Variants in PLEKHA7 observed in about 807,000 individuals in gnomAD.
PLEKHA7 encodes pleckstrin homology domain-containing family A member 7.
Under a neutral mutation model 170.0 loss-of-function variants are expected in PLEKHA7, and 104 were observed. The observed-to-expected ratio is 0.61, with a 90% CI of 0.52 to 0.72. PLEKHA7 has a LOEUF of 0.72. Among genes scored for constraint, PLEKHA7 ranks in the 30% least tolerant of loss-of-function variants. The pLI is 0.00. For synonymous variants in PLEKHA7, 648 were observed against 660.8 expected, an observed-to-expected ratio of 0.98 and a Z score of 0.30; for missense variants, 1,615 against 1,671.7, an observed-to-expected ratio of 0.97 and a Z score of 0.59.
chr11:16,874,067 G>A (rs1037523919), intron 3 of PLEKHA7, among the ~76,000 whole-genome samples: 7 of 152,172 alleles, frequency 4.6e-5, no homozygotes, highest in Non-Finnish European at 8.8e-5. Context: ...AAAAAGCCCT[G>A]CTCATAACGG....
intron 3 of PLEKHA7, among the ~76,000 whole-genome samples, chr11:16,879,460 A>T (rs548904752): frequency 6.6e-6 from 1 of 152,312 alleles, no homozygotes; most frequent in African/African-American, 2.4e-5. Flanking sequence ...GCAGAAGGCC[A>T]CAGGCTCTGA....
chr11:16,858,106 G>A (rs528087977), intron 4 of PLEKHA7, among the ~76,000 whole-genome samples: 2 of 152,294 alleles, frequency 1.3e-5, no homozygotes, highest in South Asian at 4.1e-4. Context: ...AGAAAAAACT[G>A]AGAGAAAAAC....
At chr11:16,905,700 C>A (rs1294265378) in intron 3 of PLEKHA7, among the ~76,000 whole-genome samples, 1 of 152,204 alleles carries the variant, frequency 6.6e-6, no homozygotes, top group Non-Finnish European at 1.5e-5. Context: ...CTCTGTATTT[C>A]ATTCCCTTAA....
chr11:16,790,006 T>C (rs1847725825), intron 21 of PLEKHA7, 128 bp from the exon 22 acceptor site: 6 of 824,320 alleles, frequency 7.3e-6, no homozygotes, highest in Non-Finnish European at 1.2e-5. Context: ...ATTTCTCTTC[T>C]TCCTCCCCAG....
intron 13 of PLEKHA7, chr11:16,812,288 G>A (rs1849421810): frequency 6.6e-6 from 1 of 152,198 alleles, no homozygotes; most frequent in Admixed American, 6.5e-5. Context: ...GCTTCTATGA[G>A]GCTGGATGAA....
At chr11:16,782,271 G>GA (rs1169459318) in intron 26 of PLEKHA7, among the ~76,000 whole-genome samples, 6 of 152,132 alleles carry the variant, frequency 3.9e-5, no homozygotes, top group Non-Finnish European at 2.9e-5. Flanking sequence ...AGTACACTGT[G>GA]ATGAGGTGAA....
intron 3 of PLEKHA7, among the ~76,000 whole-genome samples, chr11:16,963,692 G>A (rs1375191320): frequency 6.6e-6 from 1 of 152,168 alleles, no homozygotes; most frequent in Non-Finnish European, 1.5e-5. Context: ...TGACCAGGGT[G>A]TGGCCACAAG....
chr11:16,791,015 G>A lies in PLEKHA7; in HGVS notation c.2930C>T (p.Ser977Phe), dbSNP rs1241636542. 2 of 1,613,942 alleles carry A rather than the reference G, an allele frequency of 1.2e-6. No individual in the cohort carries two copies. Among genetic ancestry groups the A allele is most frequent in the Non-Finnish European group, 1.7e-6 (2 of 1,180,044 alleles). Reference protein sequence around the residue: ...RELGQCVNGDSRVELRSYVSE... With the variant: ...RELGQCVNGDFRVELRSYVSE... ...GCCCCAGGGTCCCCCGCTCACCCTG[G>A]AATCCCCATTCACACACTGCCCCAG... Residue 977 changes from serine (S) to phenylalanine (F), a missense_variant, in exon 20 of 27, where the codon TCC becomes TTC. By Grantham distance (155) the Ser-to-Phe change is radical (BLOSUM62 -2). Coordinates refer to ENST00000531066, the MANE Select transcript of PLEKHA7 (RefSeq NM_001329630.2). The surrounding 1 kb of genome is among the most constrained non-coding windows in gnomAD (Gnocchi z 4.5).
chr11:16,834,324 T>C (rs1261715285), intron 9 of PLEKHA7, among the ~76,000 whole-genome samples: 1 of 152,122 alleles, frequency 6.6e-6, no homozygotes, highest in East Asian at 1.9e-4. Context: ...TAAATATTTA[T>C]AGAATAAAAG....
chr11:16,830,724 C>A (rs1033310420), intron 9 of PLEKHA7, among the ~76,000 whole-genome samples: 1 of 152,226 alleles, frequency 6.6e-6, no homozygotes, highest in Admixed American at 6.5e-5. Context: ...ACAGCCCCCA[C>A]TGGGACAGGC....
chr11:16,916,301 T>C (rs1858672722), intron 3 of PLEKHA7, among the ~76,000 whole-genome samples: 1 of 152,214 alleles, frequency 6.6e-6, no homozygotes, highest in Non-Finnish European at 1.5e-5. Flanking sequence ...TCTCCCATTT[T>C]GTAGGTTGCC....
chr11:16,806,958 GA>G (rs1348739842), intron 13 of PLEKHA7, among the ~76,000 whole-genome samples: 1 of 152,230 alleles, frequency 6.6e-6, no homozygotes, highest in Non-Finnish European at 1.5e-5. Flanking sequence ...CTGCAGATGA[GA>G]GGCTCAGCCT....
At chr11:16,871,070 A>T (rs779994279) in intron 4 of PLEKHA7, 29 bp downstream of exon 4, 1 of 1,520,284 alleles carries the variant, frequency 6.6e-7, no homozygotes, top group South Asian at 1.1e-5. Context: ...TACTCTGCCC[A>T]GATAAGGAGA....
At position 16,841,663 on chromosome 11, in the gene PLEKHA7, GGCCT is replaced by G. The variant is rs777671904; in HGVS notation, c.752_755del (p.Gln251ProfsTer6). 1 of 1,614,168 alleles carries G rather than the reference GGCCT, an allele frequency of 6.2e-7. No homozygotes were observed. Among genetic ancestry groups the G allele is most frequent in the African/African-American group, 1.3e-5 (1 of 75,032 alleles). ...AGTAGGTCCTCATGCCTGACTGCTC[GGCCT>G]GAGAGCCCGCTGTGGAGCTGTTATA... On this transcript the variant is annotated frameshift_variant, in exon 9 of 27. Coordinates refer to ENST00000531066, the MANE Select transcript of PLEKHA7 (RefSeq NM_001329630.2). LOFTEE classifies it high-confidence loss of function.
intron 8 of PLEKHA7, among the ~76,000 whole-genome samples, chr11:16,848,542 AG>A (rs1349667657): frequency 1.3e-5 from 2 of 152,260 alleles, no homozygotes; most frequent in African/African-American, 4.8e-5. Context: ...CTAGCGATGC[AG>A]GTGTTTGTTT....
intron 3 of PLEKHA7, among the ~76,000 whole-genome samples, chr11:16,886,297 T>C (rs432373): frequency 0.47 from 71,931 of 152,086 alleles, 17,528 homozygotes; most frequent in Non-Finnish European, 0.54. Context: ...GCCCTGGAGT[T>C]CAGCTCTCCA....
chr11:16,837,211 T>C (rs1315170118), intron 9 of PLEKHA7, among the ~76,000 whole-genome samples: 1 of 152,088 alleles, frequency 6.6e-6, no homozygotes, highest in Non-Finnish European at 1.5e-5. Context: ...TAAGAATACA[T>C]CTCAATGTCA....
At chr11:16,923,925 G>A (rs1448643931) in intron 3 of PLEKHA7, among the ~76,000 whole-genome samples, 4 of 152,022 alleles carry the variant, frequency 2.6e-5, no homozygotes, top group Non-Finnish European at 5.9e-5. Context: ...AGCTTCCCAG[G>A]TCTCTAAGGC....
At chr11:16,910,429 G>C (rs932800645) in intron 3 of PLEKHA7, among the ~76,000 whole-genome samples, 1 of 152,188 alleles carries the variant, frequency 6.6e-6, no homozygotes, top group Non-Finnish European at 1.5e-5. Context: ...TATTCAGTGT[G>C]ACTTCATTTA....
Sources: gnomAD v4.1 joint callset for allele counts (sites outside exome capture counted in the v4.1 genomes callset) on GRCh38, gnomAD v4.1.1 for gene constraint, Gnocchi (gnomAD v3.1) non-coding constraint, MANE v1.5 for transcripts, NCBI Gene and HGNC (gene_info 2026-07-23, HGNC 2026-07-21) for gene names.